SH3RF2: variants seen among roughly 807,000 people sequenced by gnomAD.
The protein encoded by SH3RF2 is E3 ubiquitin-protein ligase SH3RF2.
Under a neutral mutation model 59.0 loss-of-function variants are expected in SH3RF2, and 43 were observed. The observed-to-expected ratio is 0.73, with a 90% CI of 0.57 to 0.94. The LOEUF is 0.94. Among genes scored for constraint, SH3RF2 ranks in the 40% least tolerant of loss-of-function variants. SH3RF2 has a pLI of 0.00. For missense variants in SH3RF2, 930 were observed against 940.1 expected (o/e 0.99, Z 0.14); for synonymous variants, 391 against 391.5 (o/e 1.00, Z 0.01).
intron 5 of SH3RF2, among the ~76,000 whole-genome samples, chr5:146,047,083 T>C (rs1204821324): frequency 1.3e-5 from 2 of 152,112 alleles, no homozygotes; most frequent in African/African-American, 2.4e-5. Context: ...CATTTTATCA[T>C]TATTGTTTCC....
At chr5:146,071,130 C>T (rs1763228083) in intron 9 of SH3RF2, among the ~76,000 whole-genome samples, 1 of 152,110 alleles carries the variant, frequency 6.6e-6, no homozygotes, top group Admixed American at 6.5e-5. Context: ...TTCAGGAGAC[C>T]CTCACAAATA....
chr5:146,013,546 G>A (rs1760988564), intron 4 of SH3RF2, among the ~76,000 whole-genome samples: 1 of 152,178 alleles, frequency 6.6e-6, no homozygotes, highest in African/African-American at 2.4e-5. Context: ...GGAAAGTTAT[G>A]AGAATGCATT....
intron 2 of SH3RF2, among the ~76,000 whole-genome samples, chr5:145,965,636 T>G (rs1758830107): frequency 6.6e-6 from 1 of 152,154 alleles, no homozygotes; most frequent in Non-Finnish European, 1.5e-5. Context: ...TAATTGGTGT[T>G]TACACTCACT....
intron 5 of SH3RF2, among the ~76,000 whole-genome samples, chr5:146,032,368 T>A (rs1241199575): frequency 6.6e-6 from 1 of 152,078 alleles, no homozygotes; most frequent in African/African-American, 2.4e-5. Context: ...GCATGCCACT[T>A]CCCCTCAGAG....
intron 2 of SH3RF2, among the ~76,000 whole-genome samples, chr5:145,989,040 G>T (rs1428847202): frequency 6.6e-6 from 1 of 152,206 alleles, no homozygotes; most frequent in Non-Finnish European, 1.5e-5. Flanking sequence ...CTTATCAGTG[G>T]AGTGAACCCA....
At chr5:145,944,745 T>G (rs1757947440) in intron 2 of SH3RF2, among the ~76,000 whole-genome samples, 1 of 152,230 alleles carries the variant, frequency 6.6e-6, no homozygotes, top group African/African-American at 2.4e-5. Flanking sequence ...TCTATGGCAC[T>G]GACACCCCTT....
At chr5:145,938,347 G>A in intron 2 of SH3RF2, 41 bp downstream of exon 2, 1 of 1,498,018 alleles carries the variant, frequency 6.7e-7, no homozygotes, top group Non-Finnish European at 8.9e-7. Flanking sequence ...TCCACATAGA[G>A]GTTGGATTTG....
rs1039956581 is a variant in SH3RF2, at chr5:146,037,187, T to C, written c.1060-10585T>C. The stretch of plus-strand genomic sequence containing the variant: ...AAAGCACTTTGCTTGCATGTTCTGA[T>C]TGAACCCTCACAAGAACCTCATGAG... On this transcript the variant is annotated intron_variant, in intron 5 of 9. Transcript: ENST00000359120. 3.9e-5 allele frequency among the ~76,000 whole-genome samples: 6 copies of C among 152,206 alleles called. No homozygotes were observed. In the East Asian group the frequency reaches 7.7e-4, roughly 20 times the overall value.
At chr5:145,939,098 C>T (rs1220037791) in intron 2 of SH3RF2, among the ~76,000 whole-genome samples, 1 of 152,228 alleles carries the variant, frequency 6.6e-6, no homozygotes, top group East Asian at 1.9e-4. Context: ...AGGACTTTAT[C>T]TGACCTGGCT....
chr5:146,047,921 A>G, intron 6 of SH3RF2, 58 bp downstream of exon 6: 1 of 1,511,414 alleles, frequency 6.6e-7, no homozygotes, highest in Non-Finnish European at 9.2e-7. Context: ...CATCTTTACC[A>G]TGTACAGTGG....
chr5:145,958,859 C>T (rs1758517125), intron 2 of SH3RF2, among the ~76,000 whole-genome samples: 1 of 152,202 alleles, frequency 6.6e-6, no homozygotes, highest in Non-Finnish European at 1.5e-5. Context: ...GAAACACGAA[C>T]ACATCCAAGA....
chr5:145,977,066 T>A (rs548740601), intron 2 of SH3RF2, among the ~76,000 whole-genome samples: 4 of 152,342 alleles, frequency 2.6e-5, no homozygotes, highest in African/African-American at 9.6e-5. Context: ...CACACCTTCA[T>A]CTCATTTACA....
rs143356170 is a variant in SH3RF2, at chr5:146,059,240, A to G, written c.1556-626A>G. ...CCCTAACTGTGGAATAACCTTTCCA[A>G]ATTTGCCTTTGTCTGCTGTTGTGCT... On this transcript the variant is annotated intron_variant, in intron 8 of 9. Coordinates refer to ENST00000359120, the MANE Select transcript of SH3RF2 (RefSeq NM_152550.4). Among the ~76,000 whole-genome samples, 320 of 152,252 alleles carry G rather than the reference A, an allele frequency of 2.1e-3. 2 individuals are homozygous for G. Among genetic ancestry groups the G allele is most frequent in the African/African-American group, 7.2e-3 (299 of 41,538 alleles).
At chr5:146,008,374 T>C (rs1760733350) in intron 4 of SH3RF2, among the ~76,000 whole-genome samples, 1 of 152,166 alleles carries the variant, frequency 6.6e-6, no homozygotes, top group South Asian at 2.1e-4. Flanking sequence ...AACAATTAGG[T>C]GGAAGCAGAA....
intron 2 of SH3RF2, among the ~76,000 whole-genome samples, chr5:145,949,815 C>A (rs538119430): frequency 6.7e-6 from 1 of 148,934 alleles, no homozygotes; most frequent in African/African-American, 2.5e-5. Flanking sequence ...TCTTTGTATT[C>A]GAAAGAAAAA....
At position 146,049,169 on chromosome 5, in the gene SH3RF2, G is replaced by A. The variant is rs763090331; in HGVS notation, c.1246G>A (p.Gly416Ser). The A allele has an allele frequency of 5.6e-6, 9 of 1,614,120 alleles. No homozygotes were observed. The highest frequency in any genetic ancestry group is 2.2e-5 in the South Asian group (2 of 91,076). ...GVRVLGKCQD[G>S]WLRGVSLVTG... ...CAGGGTCCTGGGGAAGTGCCAGGACGGCTGGCTCAGGGGCGTCTCCTTGGT... is the reference window on the plus strand; with the variant it reads ...CAGGGTCCTGGGGAAGTGCCAGGACAGCTGGCTCAGGGGCGTCTCCTTGGT... The change falls in exon 7 of 10, where the codon GGC (glycine) becomes AGC (serine). Residue 416 changes from glycine (G) to serine (S), a missense_variant. Transcript: ENST00000359120.
intron 2 of SH3RF2, among the ~76,000 whole-genome samples, chr5:145,972,544 C>A (rs187065507): frequency 1.3e-5 from 2 of 152,186 alleles, no homozygotes. Context: ...GCCATTCACA[C>A]GGCAATCATC....
At position 145,938,141 on chromosome 5, in the gene SH3RF2, C is replaced by T. The variant is rs566096871; in HGVS notation, c.213C>T (p.Arg71=). Residue 71 remains arginine, a synonymous_variant, in exon 2 of 10, where the codon CGC becomes CGT. Coordinates refer to ENST00000359120, the MANE Select transcript of SH3RF2 (RefSeq NM_152550.4). ...TGCCGGCCAACCTGCTGCTCGTGCG[C>T]CTTCTGGATGGAGTGCGCTCAGGGC... ...EALPANLLLV[R]LLDGVRSGQS... 155 of 1,614,202 alleles carry T rather than the reference C, an allele frequency of 9.6e-5. 2 individuals carry two copies. In the South Asian group the frequency reaches 1.4e-3, roughly 15 times the overall value.
intron 7 of SH3RF2, among the ~76,000 whole-genome samples, chr5:146,052,092 G>T (rs904453407): frequency 6.6e-6 from 1 of 152,092 alleles, no homozygotes; most frequent in Non-Finnish European, 1.5e-5. Flanking sequence ...ATTCCCCAGG[G>T]CCCATCCCCA....
Sources: allele counts gnomAD v4.1 joint callset (sites outside exome capture counted in the v4.1 genomes callset), GRCh38; gene constraint gnomAD v4.1.1; transcripts MANE v1.5; gene names NCBI Gene and HGNC (gene_info 2026-07-23, HGNC 2026-07-21).